AGPAT5: variants seen among roughly 807,000 people sequenced by gnomAD.
The protein encoded by AGPAT5 is 1-acylglycerol-3-phosphate O-acyltransferase 5.
In AGPAT5, 46 loss-of-function variants were observed where a neutral mutation model predicts 45.6. That is an observed-to-expected ratio of 1.01 (90% CI 0.80 to 1.29). The LOEUF is 1.29. Among genes scored for constraint, AGPAT5 ranks in the 50% most tolerant of loss-of-function variants. The pLI is 0.00. For missense variants in AGPAT5, 673 were observed against 450.7 expected, an observed-to-expected ratio of 1.49 and a Z score of -4.47; for synonymous variants, 272 against 167.0, an observed-to-expected ratio of 1.63 and a Z score of -4.85.
intron 4 of AGPAT5, among the ~76,000 whole-genome samples, chr8:6,740,400 C>T (rs143580637): frequency 0.011 from 1,652 of 150,922 alleles, 24 homozygotes; most frequent in African/African-American, 0.039. Flanking sequence ...TATGTTTTTC[C>T]TAATTGTACC....
At chr8:6,738,705 G>A (rs955997909) in intron 4 of AGPAT5, among the ~76,000 whole-genome samples, 1 of 152,150 alleles carries the variant, frequency 6.6e-6, no homozygotes, top group Non-Finnish European at 1.5e-5. Flanking sequence ...GAATGTTCCT[G>A]TACAAGTTTT....
At position 6,760,633 on chromosome 8, in the gene AGPAT5, G is replaced by A. The variant is rs1487658895; in HGVS notation, c.*3245G>A. 6.6e-6 allele frequency among the ~76,000 whole-genome samples: 1 copy of A among 152,158 alleles called. No individual in the cohort carries two copies. Among genetic ancestry groups the A allele is most frequent in the African/African-American group, 2.4e-5 (1 of 41,440 alleles). On this transcript the variant is annotated 3_prime_UTR_variant, in exon 8 of 8. Coordinates refer to ENST00000285518, the MANE Select transcript of AGPAT5 (RefSeq NM_018361.5). ...TCTTGGCAGATATTCCGTATCTGGT[G>A]GAAAGCTACAATGCAATGTCGTTGT...
intron 1 of AGPAT5, among the ~76,000 whole-genome samples, chr8:6,721,464 T>C (rs2980690): frequency 0.72 from 110,003 of 152,152 alleles, 40,239 homozygotes; most frequent in African/African-American, 0.82. Context: ...TAACCTATTT[T>C]AGTTGGTTAC....
At chr8:6,728,860 A>G (rs970431938) in intron 2 of AGPAT5, among the ~76,000 whole-genome samples, 3 of 152,220 alleles carry the variant, frequency 2.0e-5, no homozygotes, top group African/African-American at 4.8e-5. Context: ...TATTTCTTCC[A>G]TCTAAATTAG....
In AGPAT5 at chr8:6,740,371, A is replaced by T. The variant is rs1801207020; in HGVS notation, c.496-1290A>T. Among the ~76,000 whole-genome samples, 3 of 151,768 alleles carry T rather than the reference A, an allele frequency of 2.0e-5. No individual in the cohort carries two copies. In the South Asian group the frequency reaches 6.2e-4, roughly 31 times the overall value. Reference sequence around the variant, plus strand: ...TCCTGTTTTTCCTTCTAGTTGCTATAATATAATAAGGAATTTTGTATGTTT... The same window carrying T: ...TCCTGTTTTTCCTTCTAGTTGCTATTATATAATAAGGAATTTTGTATGTTT... On this transcript the variant is annotated intron_variant, in intron 4 of 7. Coordinates refer to ENST00000285518, the MANE Select transcript of AGPAT5 (RefSeq NM_018361.5).
chr8:6,732,881 G>C (rs1287382526), intron 4 of AGPAT5, among the ~76,000 whole-genome samples: 1 of 152,100 alleles, frequency 6.6e-6, no homozygotes, highest in Non-Finnish European at 1.5e-5. Context: ...ACCTTAAAGA[G>C]GAATAAAAAG....
intron 1 of AGPAT5, among the ~76,000 whole-genome samples, chr8:6,721,514 A>C (rs76476442): frequency 0.032 from 4,882 of 152,274 alleles, 134 homozygotes; most frequent in African/African-American, 0.071. Context: ...ACATAGTTTC[A>C]CTGATTTCAC....
intron 4 of AGPAT5, among the ~76,000 whole-genome samples, chr8:6,737,509 G>T (rs1801095128): frequency 6.6e-6 from 1 of 152,138 alleles, no homozygotes; most frequent in African/African-American, 2.4e-5. Flanking sequence ...AATTATTGCT[G>T]GGACAATACA....
At chr8:6,728,324 A>G (rs981360912) in intron 2 of AGPAT5, among the ~76,000 whole-genome samples, 6 of 152,270 alleles carry the variant, frequency 3.9e-5, no homozygotes, top group Non-Finnish European at 7.3e-5. Context: ...TGAGATAGTC[A>G]GAAACTGTCT....
intron 5 of AGPAT5, among the ~76,000 whole-genome samples, chr8:6,744,924 G>A (rs1563301795): frequency 6.6e-6 from 1 of 152,156 alleles, no homozygotes; most frequent in Non-Finnish European, 1.5e-5. Context: ...TAAGATCAAT[G>A]CTGACTGCCT....
chr8:6,749,360 A>G (rs1563305403), intron 6 of AGPAT5, among the ~76,000 whole-genome samples: 1 of 152,244 alleles, frequency 6.6e-6, no homozygotes, highest in Non-Finnish European at 1.5e-5. Context: ...CTGAAAGATG[A>G]TTGTTCTCAT....
At chr8:6,711,781 C>G (rs946238173) in intron 1 of AGPAT5, among the ~76,000 whole-genome samples, 18 of 152,248 alleles carry the variant, frequency 1.2e-4, no homozygotes, top group African/African-American at 4.3e-4. Context: ...GGTGGCATTC[C>G]TTGGCTTGGG....
chr8:6,749,932 G>C (rs771870892), intron 6 of AGPAT5, among the ~76,000 whole-genome samples: 8 of 152,198 alleles, frequency 5.3e-5, no homozygotes, highest in Non-Finnish European at 1.2e-4. Flanking sequence ...CGTGATCTCT[G>C]CCTTGCCTTC....
chr8:6,730,260 A>G (rs1222339422), intron 2 of AGPAT5, among the ~76,000 whole-genome samples: 5 of 151,160 alleles, frequency 3.3e-5, no homozygotes, highest in Non-Finnish European at 5.9e-5. Context: ...CAGAAAATGT[A>G]TATTTTTTAA....
At position 6,747,791 on chromosome 8, in the gene AGPAT5, C is replaced by T. The variant is rs778537004; in HGVS notation, c.708C>T (p.Asp236=). The change falls in exon 6 of 8, where the codon GAC becomes GAT. Residue 236 remains aspartate, a synonymous_variant. Coordinates refer to ENST00000285518, the MANE Select transcript of AGPAT5 (RefSeq NM_018361.5). ...TTACGGTGGTTTATGAAGGGAAAGA[C>T]GATGGAGGGCAGCGAAGAGAGTCAC... ...YDVTVVYEGK[D]DGGQRRESPT... 18 of 1,613,918 alleles carry T rather than the reference C, an allele frequency of 1.1e-5. No individual in the cohort carries two copies. The Admixed American group carries it at 1.5e-4, about 13-fold the overall frequency.
At chr8:6,739,923 C>T (rs1204243854) in intron 4 of AGPAT5, among the ~76,000 whole-genome samples, 1 of 152,064 alleles carries the variant, frequency 6.6e-6, no homozygotes, top group Non-Finnish European at 1.5e-5. Flanking sequence ...TTTCCTTCAT[C>T]ACACCTTGTT....
At chr8:6,724,982 G>T in intron 2 of AGPAT5, 43 bp downstream of exon 2, 1 of 736,174 alleles carries the variant, frequency 1.4e-6, no homozygotes, top group South Asian at 5.7e-5. Flanking sequence ...TTCTACAGAT[G>T]GCACATGGGC....
chr8:6,748,410 A>T (rs780608195), intron 6 of AGPAT5, among the ~76,000 whole-genome samples: 2 of 152,252 alleles, frequency 1.3e-5, no homozygotes, highest in Non-Finnish European at 2.9e-5. Flanking sequence ...GGAAATAGGC[A>T]AACAGGGAAG....
chr8:6,732,565 G>A lies in AGPAT5; in HGVS notation c.410G>A (p.Gly137Glu). 6.2e-7 allele frequency: 1 copy of A among 1,601,912 alleles called. No individual in the cohort carries two copies. The highest frequency in any genetic ancestry group is 8.5e-7 in the Non-Finnish European group (1 of 1,176,690). The part of the protein sequence containing the change: ...PLYGCYFAQH[G>E]GIYVKRSAKF... ...CTCCCGATTTGATTGTGGCAGCATG[G>A]AGGAATCTATGTAAAGCGCAGTGCC... is the stretch of plus-strand genomic sequence containing the variant. The change falls in exon 4 of 8, where the codon GGA becomes GAA. Residue 137 changes from glycine to glutamate, a missense_variant. Gly to Glu is a moderately conservative substitution (Grantham distance 98). Coordinates refer to ENST00000285518, the MANE Select transcript of AGPAT5 (RefSeq NM_018361.5).
Sources: allele counts gnomAD v4.1 joint callset (sites outside exome capture counted in the v4.1 genomes callset), GRCh38; gene constraint gnomAD v4.1.1; transcripts MANE v1.5; gene names NCBI Gene and HGNC (gene_info 2026-07-23, HGNC 2026-07-21).